Variants in IRAG2 observed in about 807,000 individuals in gnomAD.
The protein encoded by IRAG2 is lymphoid restricted membrane protein.
Under a neutral mutation model 69.9 loss-of-function variants are expected in IRAG2, and 45 were observed. The observed-to-expected ratio is 0.64, with a 90% CI of 0.51 to 0.83. The LOEUF (loss-of-function observed/expected upper bound fraction) is 0.83. Among genes scored for constraint, IRAG2 ranks in the 40% least tolerant of loss-of-function variants. The pLI is 0.00. For missense variants in IRAG2, 520 were observed against 587.0 expected (o/e 0.89, Z 1.18); for synonymous variants, 193 against 202.4 (o/e 0.95, Z 0.40).
At chr12:25,081,420 C>A (rs564535214) in intron 9 of IRAG2, among the ~76,000 whole-genome samples, 2 of 152,280 alleles carry the variant, frequency 1.3e-5, no homozygotes, top group East Asian at 3.9e-4. Context: ...GCTGAGATTG[C>A]ACCACTGCAC....
At chr12:25,050,128 A>AAAAAAC (rs1188950115), upstream of IRAG2, among the ~76,000 whole-genome samples, 1 of 151,804 alleles carries the variant, frequency 6.6e-6, no homozygotes, top group Non-Finnish European at 1.5e-5. Flanking sequence ...CTCCGTCTCA[A>AAAAAAC]AAAAACAAAA....
At chr12:25,053,359 T>C (rs1591946519) in intron 1 of IRAG2, among the ~76,000 whole-genome samples, 1 of 152,090 alleles carries the variant, frequency 6.6e-6, no homozygotes, top group Non-Finnish European at 1.5e-5. Context: ...AGAAAAGGCC[T>C]TGCTCGTCTA....
chr12:25,032,173 C>G (rs944936762), exon 11 of IRAG2: 2 of 398,864 alleles, frequency 5.0e-6, no homozygotes, highest in South Asian at 1.3e-4. Flanking sequence ...CTTAAATCAA[C>G]CATCATAGAA....
chr12:25,020,430 A>G (rs781393554), intron 6 of IRAG2, among the ~76,000 whole-genome samples: 29 of 152,246 alleles, frequency 1.9e-4, no homozygotes, highest in Non-Finnish European at 3.5e-4. Flanking sequence ...CACCTAGAAC[A>G]TGGTATTATT....
At position 25,079,300 on chromosome 12, in the gene IRAG2, T is replaced by A. The variant is rs751060651; in HGVS notation, c.71+10T>A. 6.2e-7 allele frequency: 1 copy of A among 1,614,010 alleles called. No individual in the cohort carries two copies. On this transcript the variant is annotated intron_variant, in intron 7 of 21. Coordinates refer to ENST00000556887, the MANE Select transcript of IRAG2 (RefSeq NM_001366544.2). ...GCCTGCTGCAGTCCAGGTTTGCTTG[T>A]TTGTGTTGTGTGTGTGAATTTGTAT... is the stretch of plus-strand genomic sequence containing the variant.
At chr12:25,038,679 G>A (rs910788731) in intron 16 of IRAG2, among the ~76,000 whole-genome samples, 1 of 151,778 alleles carries the variant, frequency 6.6e-6, no homozygotes, top group Non-Finnish European at 1.5e-5. Flanking sequence ...AGTATACTGA[G>A]TTATTTTTTC....
At chr12:25,003,600 T>A (rs1437078004), upstream of IRAG2, among the ~76,000 whole-genome samples, 1 of 152,234 alleles carries the variant, frequency 6.6e-6, no homozygotes, top group African/African-American at 2.4e-5. Flanking sequence ...TTATGCCTTT[T>A]TTTTTAAAGG....
intron 17 of IRAG2, chr12:25,102,495 T>C (rs1948814218): frequency 2.2e-6 from 1 of 460,156 alleles, no homozygotes; most frequent in East Asian, 4.0e-5. Context: ...TGGAAGTGGG[T>C]AACCCGACAA....
At chr12:25,015,104 A>T in intron 3 of IRAG2, 4 of 329,610 alleles carry the variant, frequency 1.2e-5, no homozygotes, top group African/African-American at 2.3e-5. Context: ...AAAAAAAAAA[A>T]AAAAAAAAGA....
At chr12:25,000,597 C>A (rs116976358), upstream of IRAG2, among the ~76,000 whole-genome samples, 1,939 of 152,336 alleles carry the variant, frequency 0.013, 19 homozygotes, top group Non-Finnish European at 0.018. Context: ...CACGGCTCTA[C>A]AGCCTGGGTA....
intron 13 of IRAG2, among the ~76,000 whole-genome samples, chr12:25,034,398 G>A (rs1944690023): frequency 6.6e-6 from 1 of 152,178 alleles, no homozygotes; most frequent in South Asian, 2.1e-4. Context: ...CCAAATTAAT[G>A]ACATTGATTA....
In IRAG2 at chr12:25,090,835, G is replaced by GA. The variant is rs1293065583; in HGVS notation, c.606+642dup. 39 of 454,588 alleles carry GA rather than the reference G, an allele frequency of 8.6e-5. No individual in the cohort carries two copies. In the Middle Eastern group the frequency reaches 1.6e-3, roughly 19 times the overall value. 28.2% of individuals were successfully genotyped at this position (454,588 alleles called of 1,614,324 possible). A position where few individuals can be genotyped will look rare whatever the true frequency, so the allele number is the denominator to read the frequency against. On this transcript the variant is annotated intron_variant, in intron 14 of 21. Coordinates refer to ENST00000556887, the MANE Select transcript of IRAG2 (RefSeq NM_001366544.2). ...TTTCAGGCAGAAAAGGAATCATACA[G>GA]AAAACTGAGCAATAGGAAATATCAA...
intron 4 of IRAG2, among the ~76,000 whole-genome samples, chr12:25,066,123 A>G (rs538826911): frequency 8.8e-4 from 134 of 151,918 alleles, no homozygotes; most frequent in Non-Finnish European, 1.6e-3. Flanking sequence ...AAATATTATT[A>G]TTAGAACTAA....
chr12:25,089,488 G>A, intron 11 of IRAG2, 126 bp from the exon 12 acceptor site: 2 of 594,000 alleles, frequency 3.4e-6, no homozygotes, highest in Non-Finnish European at 5.9e-6. Context: ...TACATTATTA[G>A]CTGGCGATCA....
chr12:25,106,507 ACTCCAGCCTAGGCAACAGAGTTTCTT>A (rs1949140211), intron 20 of IRAG2, among the ~76,000 whole-genome samples: 1 of 56,980 alleles, frequency 1.8e-5, no homozygotes, highest in Non-Finnish European at 3.5e-5. Context: ...TATATACTGC[ACTCCAGCCTAGGCAACAGAGTTTCTT>A]CTCCAGCCTA....
Position 25,097,113 on chromosome 12 carries a change from A to C in IRAG2, c.741+69A>C, listed in dbSNP as rs1271592694. On this transcript the variant is annotated intron_variant, in intron 15 of 21. Coordinates refer to ENST00000556887, the MANE Select transcript of IRAG2 (RefSeq NM_001366544.2). ...AGATTCACTTTTCCTGAGACTATGG[A>C]TTTCTCACTTCTAGGAATAAGTTTT... The C allele has an allele frequency of 2.1e-6, 3 of 1,459,790 alleles. No individual in the cohort carries two copies. The African/African-American group carries it at 4.3e-5, about 21-fold the overall frequency. The allele number at this position is 1,459,790 out of a possible 1,614,324, so 90.4% of individuals were successfully genotyped here.
At chr12:25,067,234 A>C (rs1248004740) in intron 5 of IRAG2, among the ~76,000 whole-genome samples, 1 of 152,034 alleles carries the variant, frequency 6.6e-6, no homozygotes, top group Non-Finnish European at 1.5e-5. Flanking sequence ...CTAATCTTCT[A>C]ATCTAAAGGA....
intron 3 of IRAG2, among the ~76,000 whole-genome samples, chr12:25,063,211 C>T (rs555645260): frequency 6.6e-6 from 1 of 152,298 alleles, no homozygotes; most frequent in East Asian, 1.9e-4. Flanking sequence ...TACAGTCATA[C>T]ACCACCACGC....
At chr12:25,055,945 A>G (rs1412276662) in intron 1 of IRAG2, among the ~76,000 whole-genome samples, 1 of 152,154 alleles carries the variant, frequency 6.6e-6, no homozygotes, top group Non-Finnish European at 1.5e-5. Flanking sequence ...ATCTTCATGG[A>G]GTCAGTCTTC....
Sources: gnomAD v4.1 joint callset for allele counts (sites outside exome capture counted in the v4.1 genomes callset) on GRCh38, gnomAD v4.1.1 for gene constraint, MANE v1.5 for transcripts, NCBI Gene and HGNC (gene_info 2026-07-23, HGNC 2026-07-21) for gene names.